Variants in FBXO9 observed in about 807,000 individuals in gnomAD.
FBXO9 encodes F-box only protein 9.
A neutral mutation model predicts 63.7 loss-of-function variants in FBXO9; 43 were observed. The ratio of observed to expected loss-of-function variants is 0.67; its 90% CI spans 0.53 to 0.87. The LOEUF is 0.87. Among genes scored for constraint, FBXO9 ranks in the 40% least tolerant of loss-of-function variants. The pLI, the probability that FBXO9 is intolerant of heterozygous loss-of-function variation, is 0.00. For missense variants in FBXO9, 442 were observed against 533.2 expected, an observed-to-expected ratio of 0.83 and a Z score of 1.68; for synonymous variants, 156 against 171.7, an observed-to-expected ratio of 0.91 and a Z score of 0.72.
rs566509177 is a variant in FBXO9, at chr6:53,073,330, T to G, written c.91-151T>G. 67 of 472,626 alleles carry G rather than the reference T, an allele frequency of 1.4e-4. No individual in the cohort carries two copies. The Admixed American group carries it at 1.6e-3, about 12-fold the overall frequency. 29.3% of individuals were successfully genotyped at this position (472,626 alleles called of 1,614,324 possible). A position where few individuals can be genotyped will look rare whatever the true frequency, so the allele number is the denominator to read the frequency against. On this transcript the variant is annotated intron_variant, in intron 2 of 12. Coordinates refer to ENST00000323557, the MANE Select transcript of FBXO9 (RefSeq NM_033480.3). ...AAATTATTTTAAAAGATGTATTTAA[T>G]GGATATTTAATAATTCAGAAGACAG... is the stretch of plus-strand genomic sequence containing the variant.
intron 4 of FBXO9, among the ~76,000 whole-genome samples, chr6:53,078,241 C>T (rs1418864021): frequency 2.6e-5 from 4 of 152,078 alleles, no homozygotes; most frequent in South Asian, 2.1e-4. Flanking sequence ...ATCGCTTGAA[C>T]CCAGGAGTTC....
At chr6:53,078,412 C>A (rs558702434) in intron 4 of FBXO9, among the ~76,000 whole-genome samples, 1 of 152,126 alleles carries the variant, frequency 6.6e-6, no homozygotes, top group Non-Finnish European at 1.5e-5. Flanking sequence ...GAGCCAAGAT[C>A]GTGCCAACTG....
At position 53,095,604 on chromosome 6, in the gene FBXO9, G is replaced by A; in HGVS notation, c.1145G>A (p.Ser382Asn). ...SFHVGLQLCS[S>N]GHQRFNKLIW... ...CATGTGGGGCTACAGCTATGTTCCAGTGGTCACCAGAGGTTCAACAAACTC... is the reference window on the plus strand; with the variant it reads ...CATGTGGGGCTACAGCTATGTTCCAATGGTCACCAGAGGTTCAACAAACTC... The change falls in exon 12 of 13, where the codon AGT becomes AAT. Residue 382 changes from serine (S) to asparagine (N), a missense_variant. By Grantham distance (46) the Ser-to-Asn change is conservative. Around this residue, in one of 2 missense-constraint regions of FBXO9, gnomAD observed 262 missense variants for 362.1 expected, o/e 0.72. Coordinates refer to ENST00000323557, the MANE Select transcript of FBXO9 (RefSeq NM_033480.3). 2 of 1,613,618 alleles carry A rather than the reference G, an allele frequency of 1.2e-6. No individual in the cohort carries two copies. Among genetic ancestry groups the A allele is most frequent in the African/African-American group, 1.3e-5 (1 of 75,008 alleles).
intron 7 of FBXO9, chr6:53,092,219 C>A: frequency 2.1e-6 from 1 of 479,580 alleles, no homozygotes; most frequent in South Asian, 3.0e-5. Flanking sequence ...TTGATTTTTG[C>A]ACTAAGCGTA....
intron 11 of FBXO9, among the ~76,000 whole-genome samples, chr6:53,094,275 G>A (rs1043412710): frequency 2.6e-5 from 4 of 152,114 alleles, no homozygotes; most frequent in Non-Finnish European, 5.9e-5. Flanking sequence ...TATGTTTTTG[G>A]CTCTGCTCAT....
Position 53,095,554 on chromosome 6 carries a change from T to C in FBXO9, c.1095T>C (p.Pro365=). The C allele has an allele frequency of 6.2e-7, 1 of 1,613,390 alleles. No homozygotes were observed. The highest frequency in any genetic ancestry group is 8.5e-7 in the Non-Finnish European group (1 of 1,179,660). The change falls in exon 12 of 13, where the codon CCT becomes CCC. Residue 365 remains proline, a synonymous_variant. Transcript: ENST00000323557. The part of the protein sequence containing the change: ...DYKYRYFRRV[P]VQEADQSFHV... Reference sequence around the variant, plus strand: ...AATACAGATATTTTCGTCGTGTCCCTGTACAAGAAGCAGATCAGAGTTTTC... The same window carrying C: ...AATACAGATATTTTCGTCGTGTCCCCGTACAAGAAGCAGATCAGAGTTTTC...
intron 5 of FBXO9, among the ~76,000 whole-genome samples, chr6:53,079,105 CAG>C (rs1410695803): frequency 1.3e-5 from 2 of 151,550 alleles, no homozygotes; most frequent in Middle Eastern, 3.2e-3. Context: ...CAAAAATAAA[CAG>C]ATACAAAAAT....
chr6:53,095,119 A>G (rs1763170720), intron 11 of FBXO9, among the ~76,000 whole-genome samples: 1 of 152,192 alleles, frequency 6.6e-6, no homozygotes, highest in South Asian at 2.1e-4. Flanking sequence ...TTCCCTCTTA[A>G]AAAATGTCCA....
At chr6:53,077,971 C>G (rs1344804225) in intron 4 of FBXO9, among the ~76,000 whole-genome samples, 3 of 152,042 alleles carry the variant, frequency 2.0e-5, no homozygotes, top group Non-Finnish European at 4.4e-5. Flanking sequence ...TATTACAGCT[C>G]TAAACTACCT....
intron 6 of FBXO9, 104 bp downstream of exon 6, chr6:53,081,202 C>A (rs1395382423): frequency 8.4e-6 from 9 of 1,070,854 alleles, no homozygotes; most frequent in Non-Finnish European, 1.2e-5. Flanking sequence ...TGCTTTAGTT[C>A]AGAATATGGT....
intron 7 of FBXO9, among the ~76,000 whole-genome samples, chr6:53,089,437 TGG>T (rs1762985493): frequency 6.6e-6 from 1 of 152,146 alleles, no homozygotes; most frequent in African/African-American, 2.4e-5. Flanking sequence ...TTTTTGCTTA[TGG>T]AAGATTTTCA....
intron 3 of FBXO9, among the ~76,000 whole-genome samples, chr6:53,076,038 C>T (rs1769097718): frequency 6.6e-6 from 1 of 152,260 alleles, no homozygotes; most frequent in East Asian, 1.9e-4. Context: ...GCCACCGCGC[C>T]CAGCCAGATG....
At chr6:53,093,064 C>T (rs1474379301) in intron 9 of FBXO9, 2 of 418,050 alleles carry the variant, frequency 4.8e-6, no homozygotes, top group Non-Finnish European at 8.4e-6. Context: ...CTTGCCTTTT[C>T]AAATAGCTTG....
chr6:53,071,267 C>T lies in FBXO9; in HGVS notation c.90+124C>T, dbSNP rs1768906254. On this transcript the variant is annotated intron_variant, in intron 2 of 12. Transcript: ENST00000323557. Reference sequence around the variant, plus strand: ...TGCATGGAATTTAACTGTTTCCATACTGGTTTATAGAATACTTAAAACTAT... The same window carrying T: ...TGCATGGAATTTAACTGTTTCCATATTGGTTTATAGAATACTTAAAACTAT... 9 of 894,130 alleles carry T rather than the reference C, an allele frequency of 1.0e-5. No individual in the cohort carries two copies. The East Asian group carries it at 2.4e-4, about 24-fold the overall frequency. The allele number at this position is 894,130 out of a possible 1,614,324, so 55.4% of individuals were successfully genotyped here.
chr6:53,086,085 G>T (rs1046558409), intron 7 of FBXO9, among the ~76,000 whole-genome samples: 3 of 152,204 alleles, frequency 2.0e-5, no homozygotes, highest in African/African-American at 7.2e-5. Flanking sequence ...GTAGGCGGAG[G>T]TTGCGGTGAG....
At chr6:53,092,343 C>A (rs890050139) in intron 7 of FBXO9, 86 bp from the exon 8 acceptor site, 10 of 969,888 alleles carry the variant, frequency 1.0e-5, no homozygotes, top group Non-Finnish European at 1.5e-5. Flanking sequence ...CAAATACTTG[C>A]TAAATAAAAG....
intron 4 of FBXO9, among the ~76,000 whole-genome samples, chr6:53,077,366 G>A (rs113065849): frequency 0.011 from 1,586 of 149,190 alleles, 29 homozygotes; most frequent in Non-Finnish European, 0.012. Context: ...CCAGCTACTT[G>A]GGAGGCTGAG....
At chr6:53,077,436 G>T (rs1769154429) in intron 4 of FBXO9, among the ~76,000 whole-genome samples, 1 of 119,872 alleles carries the variant, frequency 8.3e-6, no homozygotes. Flanking sequence ...TCCCGCCACT[G>T]CACTCCAGCC....
rs1768670034 is a variant in FBXO9, at chr6:53,065,753, G to A, written c.-37G>A. The stretch of plus-strand genomic sequence containing the variant: ...CCGGGGGGCGGTGCAGAGGGGGCAC[G>A]GAGAGCCCCTCGAGCGCAGCAGGCC... On this transcript the variant is annotated 5_prime_UTR_variant, in exon 1 of 13. Coordinates refer to ENST00000323557, the MANE Select transcript of FBXO9 (RefSeq NM_033480.3). 7.1e-7 allele frequency: 1 copy of A among 1,417,234 alleles called. No homozygotes were observed. Among genetic ancestry groups the A allele is most frequent in the Non-Finnish European group, 9.2e-7 (1 of 1,085,722 alleles). 87.8% of individuals were successfully genotyped at this position (1,417,234 alleles called of 1,614,324 possible). A position where few individuals can be genotyped will look rare whatever the true frequency, so the allele number is the denominator to read the frequency against.
Sources: gnomAD v4.1 joint callset for allele counts (sites outside exome capture counted in the v4.1 genomes callset) on GRCh38, gnomAD v4.1.1 for gene constraint, gnomAD v4.1.1 regional missense constraint, MANE v1.5 for transcripts, NCBI Gene and HGNC (gene_info 2026-07-23, HGNC 2026-07-21) for gene names.